PLRG1: variants seen among roughly 807,000 people sequenced by gnomAD.
PLRG1 encodes the protein pleiotropic regulator 1, also known as pleiotropic regulator 1 (PRL1 homolog, Arabidopsis).
A neutral mutation model predicts 74.9 loss-of-function variants in PLRG1; 28 were observed. The ratio of observed to expected loss-of-function variants is 0.37; its 90% CI spans 0.28 to 0.51. PLRG1 has a LOEUF of 0.51. Ranked by LOEUF, PLRG1 falls within the 20% of genes least tolerant of loss-of-function variation. The pLI is 0.91. For synonymous variants in PLRG1, 197 were observed against 212.4 expected (o/e 0.93, Z 0.63); for missense variants, 445 against 631.9 (o/e 0.70, Z 3.17).
chr4:154,546,055 T>C (rs1729646812), intron 5 of PLRG1, 68 bp downstream of exon 5: 2 of 1,170,252 alleles, frequency 1.7e-6, no homozygotes, highest in Non-Finnish European at 2.5e-6. Context: ...TATAAAGAAA[T>C]TTTAAAAAGA....
rs372502464 is a variant in PLRG1, at chr4:154,546,974, T to G, written c.313+37A>C. 1.5e-4 allele frequency: 220 copies of G among 1,452,188 alleles called. 1 individual carries two copies. The Middle Eastern group carries it at 6.3e-3, about 41-fold the overall frequency. 90.0% of individuals were successfully genotyped at this position (1,452,188 alleles called of 1,614,324 possible). On this transcript the variant is annotated intron_variant, in intron 4 of 14. Transcript: ENST00000499023. ...CTCGTTAGTGAAAATATATGTGACA[T>G]TTTTAAGACATTTTCAATATATAAC...
intron 7 of PLRG1, among the ~76,000 whole-genome samples, chr4:154,543,579 G>A (rs1560807849): frequency 6.6e-6 from 1 of 152,160 alleles, no homozygotes; most frequent in Admixed American, 6.5e-5. Context: ...TATAGTGATA[G>A]AAAACAGATC....
chr4:154,549,324 C>CT (rs1729716754), intron 1 of PLRG1, among the ~76,000 whole-genome samples: 2 of 152,214 alleles, frequency 1.3e-5, no homozygotes, highest in African/African-American at 4.8e-5. Flanking sequence ...ATGAAGGCAA[C>CT]AAGCAAGGCG....
intron 7 of PLRG1, chr4:154,543,819 A>C (rs1005394008): frequency 9.9e-5 from 15 of 152,252 alleles, no homozygotes; most frequent in African/African-American, 3.6e-4. Flanking sequence ...TACATTTCCT[A>C]CTATGTACAT....
chr4:154,545,186 C>T (rs76310902), intron 6 of PLRG1, among the ~76,000 whole-genome samples: 3,001 of 152,134 alleles, frequency 0.02, 95 homozygotes, highest in African/African-American at 0.068. Context: ...GGACAGAAGA[C>T]GTGCTCTGAA....
intron 11 of PLRG1, 77 bp from the exon 12 acceptor site, chr4:154,539,290 T>C (rs1254258420): frequency 5.5e-6 from 5 of 910,604 alleles, no homozygotes; most frequent in Non-Finnish European, 7.2e-6. Context: ...ATACAAAGCA[T>C]TCTTCCAAAA....
intron 3 of PLRG1, 71 bp downstream of exon 3, chr4:154,547,640 A>G: frequency 4.9e-6 from 7 of 1,442,968 alleles, no homozygotes; most frequent in Non-Finnish European, 6.8e-6. Context: ...AGGGGCAAAA[A>G]TAACATATTT....
At chr4:154,548,005 A>G (rs1009678245) in intron 2 of PLRG1, 152 bp from the exon 3 acceptor site, 27 of 583,700 alleles carry the variant, frequency 4.6e-5, no homozygotes, top group African/African-American at 7.5e-5. Flanking sequence ...TTTCCCCACC[A>G]TATCTGTTCT....
At chr4:154,536,822 T>C in intron 14 of PLRG1, 78 bp from the exon 15 acceptor site, 2 of 765,374 alleles carry the variant, frequency 2.6e-6, no homozygotes, top group South Asian at 3.3e-5. Flanking sequence ...CTAACAAAAA[T>C]AAGGTATCTA....
intron 1 of PLRG1, chr4:154,549,173 T>C (rs565607286): frequency 4.3e-5 from 21 of 491,836 alleles, no homozygotes; most frequent in Non-Finnish European, 7.3e-5. Context: ...TCAATAAATA[T>C]TTACTGAGCT....
Position 154,536,607 on chromosome 4 carries a change from GGA to G in PLRG1, c.*76_*77del, listed in dbSNP as rs1466968703. ...TTCCCAGCCAGAGCACAAAATGACT[GGA>G]TATCCTCATGAACGCCAAGCTTTTT... On this transcript the variant is annotated 3_prime_UTR_variant, in exon 15 of 15. Transcript: ENST00000499023. The G allele has an allele frequency of 4.0e-6, 3 of 742,226 alleles. No individual in the cohort carries two copies. The highest frequency in any genetic ancestry group is 7.0e-6 in the Non-Finnish European group (3 of 431,318). The allele number at this position is 742,226 out of a possible 1,614,324, so 46.0% of individuals were successfully genotyped here. A position where few individuals can be genotyped will look rare whatever the true frequency, so the allele number is the denominator to read the frequency against.
In PLRG1 at chr4:154,542,254, A is replaced by G. The variant is rs148243264; in HGVS notation, c.620T>C (p.Val207Ala). The G allele has an allele frequency of 3.2e-5, 51 of 1,612,476 alleles. No homozygotes were observed. Among genetic ancestry groups the G allele is most frequent in the Admixed American group, 5.0e-5 (3 of 59,966 alleles). The change falls in exon 8 of 15, where the codon GTT (valine) becomes GCT (alanine). Residue 207 changes from valine to alanine, a missense_variant. Physicochemically the swap from Val to Ala is moderately conservative, Grantham distance 64. This residue lies in a region of PLRG1 where 221 missense variants were observed against 377.7 expected (regional missense o/e 0.59). Coordinates refer to ENST00000499023, the MANE Select transcript of PLRG1 (RefSeq NM_002669.4). The part of the protein sequence containing the change: ...YRVISGHLGW[V>A]RCIAVEPGNQ... The stretch of plus-strand genomic sequence containing the variant: ...TCCAGGTTCCACAGCAATACATCGA[A>G]CCCAGCCAAGATGCCCACTGATAAC...
chr4:154,537,665 G>T (rs1221905395), intron 13 of PLRG1, 186 bp from the exon 14 acceptor site: 1 of 506,396 alleles, frequency 2.0e-6, no homozygotes, highest in Non-Finnish European at 3.4e-6. Context: ...AGAACTTATA[G>T]ATCTTAAAAA....
intron 14 of PLRG1, 91 bp from the exon 15 acceptor site, chr4:154,536,835 A>G: frequency 1.4e-6 from 1 of 706,336 alleles, no homozygotes; most frequent in South Asian, 1.8e-5. Flanking sequence ...GGTATCTAAC[A>G]TTATTCATTG....
chr4:154,535,381 T>A lies in PLRG1; in HGVS notation c.*1304A>T, dbSNP rs1729427811. 6.6e-6 allele frequency: 1 copy of A among 151,848 alleles called. No individual in the cohort carries two copies. The highest frequency in any genetic ancestry group is 1.5e-5 in the Non-Finnish European group (1 of 67,958). The allele number at this position is 151,848 out of a possible 1,614,324, so 9.4% of individuals were successfully genotyped here. On this transcript the variant is annotated 3_prime_UTR_variant, in exon 15 of 15. Transcript: ENST00000499023. ...CAATGACTTTGCTTGTGTACACTTG[T>A]CAGATCATTCCCATTAGGCAGTTTC... is the stretch of plus-strand genomic sequence containing the variant.
intron 7 of PLRG1, among the ~76,000 whole-genome samples, chr4:154,543,489 T>C (rs965051484): frequency 6.6e-6 from 1 of 152,088 alleles, no homozygotes; most frequent in Non-Finnish European, 1.5e-5. Context: ...ATGTAGCCCA[T>C]AAATATGCAC....
Position 154,547,807 on chromosome 4 carries a change from C to G in PLRG1, c.163G>C (p.Val55Leu), listed in dbSNP as rs377684926. The G allele has an allele frequency of 6.2e-7, 1 of 1,611,956 alleles. No homozygotes were observed. The highest frequency in any genetic ancestry group is 1.3e-5 in the African/African-American group (1 of 74,880). ...TCTTTTGAAGTAGGCATATGCAACACAGGACCATACTCATTACGAAGCTTG... is the reference window on the plus strand; with the variant it reads ...TCTTTTGAAGTAGGCATATGCAACAGAGGACCATACTCATTACGAAGCTTG... ...AIKLRNEYGP[V>L]LHMPTSKENL... Residue 55 changes from valine to leucine, a missense_variant, in exon 3 of 15, where the codon GTG becomes CTG. Around this residue, in one of 3 missense-constraint regions of PLRG1, gnomAD observed 206 missense variants for 210.8 expected, o/e 0.98. Transcript: ENST00000499023.
intron 6 of PLRG1, among the ~76,000 whole-genome samples, 173 bp downstream of exon 6, chr4:154,545,663 A>C (rs1250283519): frequency 6.6e-6 from 1 of 152,244 alleles, no homozygotes; most frequent in East Asian, 1.9e-4. Context: ...TAGACAAATA[A>C]CAGAATTAAA....
chr4:154,540,462 G>C (rs1729535032), intron 10 of PLRG1, 132 bp downstream of exon 10: 1 of 657,244 alleles, frequency 1.5e-6, no homozygotes, highest in Admixed American at 2.7e-5. Flanking sequence ...AGAAACTTAG[G>C]GACTAGGATA....
Sources: allele counts gnomAD v4.1 joint callset (sites outside exome capture counted in the v4.1 genomes callset), GRCh38; gene constraint gnomAD v4.1.1; regional missense constraint gnomAD v4.1.1; transcripts MANE v1.5; gene names NCBI Gene and HGNC (gene_info 2026-07-23, HGNC 2026-07-21).